The following PITPNC1 variants were observed in gnomAD, a reference collection of about 807,000 sequenced individuals.
PITPNC1 encodes the protein phosphatidylinositol transfer protein cytoplasmic 1.
Under a neutral mutation model 44.7 loss-of-function variants are expected in PITPNC1, and 18 were observed. That is an observed-to-expected ratio of 0.40 (90% CI 0.28 to 0.60). The LOEUF (loss-of-function observed/expected upper bound fraction) is 0.60. PITPNC1 is among the 20% of genes least tolerant of loss of function. The pLI is 0.39. For synonymous variants in PITPNC1, 141 were observed against 149.6 expected (o/e 0.94, Z 0.42); for missense variants, 290 against 418.4 (o/e 0.69, Z 2.68).
intron 1 of PITPNC1, among the ~76,000 whole-genome samples, chr17:67,501,570 G>A (rs563041228): frequency 6.6e-6 from 1 of 152,204 alleles, no homozygotes; most frequent in Non-Finnish European, 1.5e-5. Context: ...GGTGGCTCAC[G>A]CCTGTAATTC....
At chr17:67,444,192 T>A (rs1001193189) in intron 1 of PITPNC1, among the ~76,000 whole-genome samples, 1 of 152,020 alleles carries the variant, frequency 6.6e-6, no homozygotes, top group Non-Finnish European at 1.5e-5. Context: ...GACCTTACTG[T>A]CACTTCACAT....
intron 5 of PITPNC1, among the ~76,000 whole-genome samples, chr17:67,601,584 C>T (rs1160358529): frequency 6.6e-6 from 1 of 151,504 alleles, no homozygotes; most frequent in African/African-American, 2.4e-5. Context: ...GACCCCATCT[C>T]TACAAAAAAA....
At chr17:67,471,317 T>G (rs2039527128) in intron 1 of PITPNC1, among the ~76,000 whole-genome samples, 1 of 151,530 alleles carries the variant, frequency 6.6e-6, no homozygotes, top group African/African-American at 2.4e-5. Flanking sequence ...CATAGTAGCA[T>G]TCCCCTGAAT....
chr17:67,420,080 G>C (rs1042842923), intron 1 of PITPNC1, among the ~76,000 whole-genome samples: 11 of 152,124 alleles, frequency 7.2e-5, no homozygotes, highest in Non-Finnish European at 1.5e-4. Context: ...GATCCCTGAG[G>C]GGTGGTAGAA....
At chr17:67,457,953 C>T (rs1229349211) in intron 1 of PITPNC1, 1 of 152,216 alleles carries the variant, frequency 6.6e-6, no homozygotes, top group African/African-American at 2.4e-5. Context: ...GTCTCAGATT[C>T]ACTCACGCTT....
At chr17:67,578,083 C>T (rs528195513) in intron 4 of PITPNC1, 103 bp from the exon 5 acceptor site, 152 of 779,660 alleles carry the variant, frequency 1.9e-4, no homozygotes, top group South Asian at 4.8e-4. Flanking sequence ...TGTTCCGGGA[C>T]GGTGCTTGCA....
intron 1 of PITPNC1, among the ~76,000 whole-genome samples, chr17:67,388,459 TTACAGG>T (rs1258311172): frequency 3.3e-5 from 5 of 151,358 alleles, no homozygotes; most frequent in African/African-American, 1.2e-4. Context: ...GTAGCTGGGA[TTACAGG>T]TGCCCACCAC....
intron 1 of PITPNC1, among the ~76,000 whole-genome samples, chr17:67,406,234 C>G (rs1436982265): frequency 2.0e-5 from 3 of 152,244 alleles, no homozygotes; most frequent in South Asian, 4.1e-4. Context: ...CCTTGAACTC[C>G]TGGGCTCAAA....
At chr17:67,421,188 C>T (rs940315752) in intron 1 of PITPNC1, among the ~76,000 whole-genome samples, 8 of 152,164 alleles carry the variant, frequency 5.3e-5, no homozygotes, top group Non-Finnish European at 1.0e-4. Context: ...GTTTTTCACT[C>T]CCTGTTGGAG....
chr17:67,399,718 A>G (rs1371860572), intron 1 of PITPNC1, among the ~76,000 whole-genome samples: 1 of 152,198 alleles, frequency 6.6e-6, no homozygotes, highest in Non-Finnish European at 1.5e-5. Flanking sequence ...ACCCCTGAAA[A>G]CAGGCATAGT....
At chr17:67,505,878 C>A (rs1249388343) in intron 1 of PITPNC1, among the ~76,000 whole-genome samples, 1 of 152,164 alleles carries the variant, frequency 6.6e-6, no homozygotes, top group African/African-American at 2.4e-5. Flanking sequence ...TTTGGAGTAA[C>A]TCTCTTTTCC....
intron 1 of PITPNC1, among the ~76,000 whole-genome samples, chr17:67,389,134 C>G (rs1198352344): frequency 6.6e-6 from 1 of 152,202 alleles, no homozygotes; most frequent in Admixed American, 6.5e-5. Context: ...AATGCAGTTC[C>G]TTACTGCATC....
intron 1 of PITPNC1, chr17:67,379,159 C>T (rs1433827329): frequency 2.0e-6 from 2 of 985,872 alleles, no homozygotes; most frequent in African/African-American, 1.7e-5. Flanking sequence ...AGCCCAAAGC[C>T]AAGCAAGGCA....
intron 1 of PITPNC1, among the ~76,000 whole-genome samples, chr17:67,477,583 A>C (rs1323862228): frequency 6.6e-6 from 1 of 150,416 alleles, no homozygotes; most frequent in Non-Finnish European, 1.5e-5. Flanking sequence ...ATTTTTTGGT[A>C]GAGACAGGGT....
intron 1 of PITPNC1, among the ~76,000 whole-genome samples, chr17:67,412,533 T>G (rs1225476482): frequency 6.6e-6 from 1 of 152,178 alleles, no homozygotes; most frequent in Non-Finnish European, 1.5e-5. Flanking sequence ...CATGACAAGA[T>G]CTGCTGTTTC....
chr17:67,671,811 G>C (rs941210995), intron 7 of PITPNC1, among the ~76,000 whole-genome samples: 1 of 152,172 alleles, frequency 6.6e-6, no homozygotes, highest in African/African-American at 2.4e-5. Flanking sequence ...ATGTTTTCCA[G>C]CCTCAGCTTT....
At chr17:67,578,579 A>G (rs2041182843) in intron 5 of PITPNC1, among the ~76,000 whole-genome samples, 1 of 152,270 alleles carries the variant, frequency 6.6e-6, no homozygotes, top group Non-Finnish European at 1.5e-5. Flanking sequence ...ATCATTGGAC[A>G]GAGTACACAT....
Position 67,468,156 on chromosome 17 carries a change from A to G in PITPNC1, c.49-64646A>G, listed in dbSNP as rs559524544. Among the ~76,000 whole-genome samples, 7 of 152,330 alleles carry G rather than the reference A, an allele frequency of 4.6e-5. No homozygotes were observed. The South Asian group carries it at 1.2e-3, about 27-fold the overall frequency. ...ATCTCTTGGTCTTGGTTGTCAGGCA[A>G]TGCTATGGAAGGGTTATTTAGAGTC... On this transcript the variant is annotated intron_variant, in intron 1 of 8. Transcript: ENST00000581322.
At chr17:67,630,209 C>T (rs142390296) in intron 5 of PITPNC1, among the ~76,000 whole-genome samples, 1 of 152,236 alleles carries the variant, frequency 6.6e-6, no homozygotes, top group African/African-American at 2.4e-5. Flanking sequence ...ATTGCATTCT[C>T]TCCCGAAGAG....
Sources: allele counts gnomAD v4.1 joint callset (sites outside exome capture counted in the v4.1 genomes callset), GRCh38; gene constraint gnomAD v4.1.1; transcripts MANE v1.5; gene names NCBI Gene and HGNC (gene_info 2026-07-23, HGNC 2026-07-21).